Variants in SDK1 observed in about 807,000 individuals in gnomAD.
SDK1 encodes sidekick cell adhesion molecule 1, also known as protein sidekick-1.
In SDK1, 157 loss-of-function variants were observed where a neutral mutation model predicts 245.5. That is an observed-to-expected ratio of 0.64 (90% CI 0.56 to 0.73). The LOEUF (loss-of-function observed/expected upper bound fraction) is 0.73. Ranked by LOEUF, SDK1 falls within the 30% of genes least tolerant of loss-of-function variation. SDK1 has a pLI of 0.00. For missense variants in SDK1, 3,583 were observed against 3,002.3 expected (o/e 1.19, Z -4.52); for synonymous variants, 1,647 against 1,278.5 (o/e 1.29, Z -6.15).
At chr7:3,346,703 G>T (rs75941902) in intron 1 of SDK1, among the ~76,000 whole-genome samples, 10 of 122,900 alleles carry the variant, frequency 8.1e-5, no homozygotes, top group Non-Finnish European at 1.6e-4. Flanking sequence ...ATGTGTGTTT[G>T]TGTGTGTGTG....
chr7:3,854,051 T>C (rs2115106518), intron 5 of SDK1, among the ~76,000 whole-genome samples: 1 of 152,284 alleles, frequency 6.6e-6, no homozygotes, highest in Admixed American at 6.5e-5. Context: ...ATGCTCAACC[T>C]GTATTTTTTT....
chr7:3,486,729 T>C (rs1780070211), intron 1 of SDK1, among the ~76,000 whole-genome samples: 2 of 152,192 alleles, frequency 1.3e-5, no homozygotes, highest in African/African-American at 4.8e-5. Flanking sequence ...AGCCACGTTT[T>C]AATTTTATCC....
chr7:3,897,397 C>T (rs993664139), intron 5 of SDK1, among the ~76,000 whole-genome samples: 3 of 152,144 alleles, frequency 2.0e-5, no homozygotes, highest in Non-Finnish European at 4.4e-5. Flanking sequence ...CACCATTGTA[C>T]TTCCTGTCTC....
At position 3,971,691 on chromosome 7, in the gene SDK1, G is replaced by A. The variant is rs781209497; in HGVS notation, c.1817+123G>A. On this transcript the variant is annotated intron_variant, in intron 12 of 44. Coordinates refer to ENST00000404826, the MANE Select transcript of SDK1 (RefSeq NM_152744.4). ...ATTTCAGCAGCAGGTCCCTGATTAC[G>A]GTATCTTCTGGTTGTGGGCACCGTC... 1.5e-5 allele frequency: 11 copies of A among 726,276 alleles called. No individual in the cohort carries two copies. The East Asian group carries it at 1.6e-4, about 11-fold the overall frequency. 45.0% of individuals were successfully genotyped at this position (726,276 alleles called of 1,614,324 possible).
intron 9 of SDK1, among the ~76,000 whole-genome samples, chr7:3,964,057 C>T (rs1418915210): frequency 6.6e-6 from 1 of 152,266 alleles, no homozygotes; most frequent in African/African-American, 2.4e-5. Context: ...AGTGGGTACA[C>T]CTATCAGCAA....
At chr7:3,766,377 C>A (rs1165208808) in intron 4 of SDK1, among the ~76,000 whole-genome samples, 1 of 152,136 alleles carries the variant, frequency 6.6e-6, no homozygotes, top group Non-Finnish European at 1.5e-5. Context: ...GGGAAAAAAG[C>A]AGAATGATAA....
chr7:3,641,102 C>T (rs763492219), intron 3 of SDK1, among the ~76,000 whole-genome samples: 7 of 151,864 alleles, frequency 4.6e-5, no homozygotes, highest in African/African-American at 7.3e-5. Context: ...CATCTTTTCC[C>T]TCAAGTATTA....
chr7:3,754,360 A>T (rs1301789393), intron 4 of SDK1, among the ~76,000 whole-genome samples: 1 of 152,218 alleles, frequency 6.6e-6, no homozygotes, highest in Non-Finnish European at 1.5e-5. Flanking sequence ...AGCCCATATT[A>T]ATATTTCCCC....
At chr7:3,617,087 A>T (rs1781795226) in intron 1 of SDK1, among the ~76,000 whole-genome samples, 2 of 152,218 alleles carry the variant, frequency 1.3e-5, no homozygotes, top group Non-Finnish European at 2.9e-5. Context: ...ATTCATTCTT[A>T]AAATGGGTAT....
At chr7:3,509,039 G>A (rs1388715306) in intron 1 of SDK1, among the ~76,000 whole-genome samples, 1 of 152,078 alleles carries the variant, frequency 6.6e-6, no homozygotes, top group Non-Finnish European at 1.5e-5. Context: ...TGTGAACTCA[G>A]CATATCAGGG....
chr7:3,624,680 A>G (rs1782056717), intron 2 of SDK1, among the ~76,000 whole-genome samples: 1 of 152,150 alleles, frequency 6.6e-6, no homozygotes, highest in South Asian at 2.1e-4. Context: ...ATAATAAGTA[A>G]CATGTTAATA....
In SDK1 at chr7:4,051,640, T is replaced by G. The variant is rs554974460; in HGVS notation, c.2721T>G (p.Leu907=). Residue 907 remains leucine, a splice_region_variant and synonymous_variant, in exon 19 of 45, where the codon CTT becomes CTG. Transcript: ENST00000404826. ...TTTTTCACCCTGTTCCATCTCAGCT[T>G]CTGGCATGGCCGGCAGATGCCCCCG... ...FINGINQGYK[L]LAWPADAPEA... The G allele has an allele frequency of 5.4e-5, 87 of 1,610,118 alleles. No homozygotes were observed. Among genetic ancestry groups the G allele is most frequent in the Admixed American group, 3.4e-4 (20 of 59,340 alleles).
rs144523243 is a variant in SDK1, at chr7:3,683,056, A to G, written c.713+40951A>G. ...GCCTGGATTTATAAATTCAATAGCA[A>G]ATATTTCTGAGAGTGATTTTCAGGC... On this transcript the variant is annotated intron_variant, in intron 4 of 44. Coordinates refer to ENST00000404826, the MANE Select transcript of SDK1 (RefSeq NM_152744.4). Among the ~76,000 whole-genome samples, 47 of 152,300 alleles carry G rather than the reference A, an allele frequency of 3.1e-4. 1 individual carries two copies. The highest frequency in any genetic ancestry group is 2.9e-3 in the Admixed American group (44 of 15,294).
chr7:3,652,689 C>G (rs888251918), intron 4 of SDK1, among the ~76,000 whole-genome samples: 1 of 152,112 alleles, frequency 6.6e-6, no homozygotes, highest in Admixed American at 6.6e-5. Flanking sequence ...CTTTTGAGAG[C>G]AAGGGCACAG....
intron 17 of SDK1, among the ~76,000 whole-genome samples, chr7:4,030,861 C>A (rs1288563749): frequency 6.6e-6 from 1 of 152,150 alleles, no homozygotes; most frequent in Admixed American, 6.5e-5. Flanking sequence ...TCCATGCTGA[C>A]CTGCACTGTA....
intron 5 of SDK1, among the ~76,000 whole-genome samples, chr7:3,901,251 A>G (rs965642953): frequency 2.0e-5 from 3 of 151,426 alleles, no homozygotes; most frequent in Non-Finnish European, 2.9e-5. Flanking sequence ...TGGTGGCACG[A>G]TCTCAGCTCA....
At chr7:4,241,749 C>T (rs749141090) in intron 42 of SDK1, 44 bp from the exon 43 acceptor site, 23 of 1,611,776 alleles carry the variant, frequency 1.4e-5, no homozygotes, top group Non-Finnish European at 2.0e-5. Context: ...CTGCGGTGGC[C>T]ACACCAGTAA....
In SDK1 at chr7:4,266,607, A is replaced by C. The variant is rs1788487017; in HGVS notation, c.*1223A>C. 3 of 985,304 alleles carry C rather than the reference A, an allele frequency of 3.0e-6. No individual in the cohort carries two copies. The highest frequency in any genetic ancestry group is 1.7e-5 in the African/African-American group (1 of 57,244). The allele number at this position is 985,304 out of a possible 1,614,324, so 61.0% of individuals were successfully genotyped here. A position where few individuals can be genotyped will look rare whatever the true frequency, so the allele number is the denominator to read the frequency against. Reference sequence around the variant, plus strand: ...ATTTAAAATTGTCATTGTTTGGTTTAAATTTTTCAGCTAGATGAAAAGAGT... The same window carrying C: ...ATTTAAAATTGTCATTGTTTGGTTTCAATTTTTCAGCTAGATGAAAAGAGT... On this transcript the variant is annotated 3_prime_UTR_variant, in exon 45 of 45. Coordinates refer to ENST00000404826, the MANE Select transcript of SDK1 (RefSeq NM_152744.4).
At chr7:4,099,474 G>A (rs1439512079) in intron 22 of SDK1, among the ~76,000 whole-genome samples, 5 of 129,072 alleles carry the variant, frequency 3.9e-5, no homozygotes, top group African/African-American at 1.2e-4. Context: ...CAGTCTCAGC[G>A]GGCTCCGGGG....
Sources: allele counts gnomAD v4.1 joint callset (sites outside exome capture counted in the v4.1 genomes callset), GRCh38; gene constraint gnomAD v4.1.1; transcripts MANE v1.5; gene names NCBI Gene and HGNC (gene_info 2026-07-23, HGNC 2026-07-21).